FHIT: variants seen among roughly 807,000 people sequenced by gnomAD.
FHIT encodes fragile histidine triad diadenosine triphosphatase, also known as bis(5'-adenosyl)-triphosphatase.
A neutral mutation model predicts 17.9 loss-of-function variants in FHIT; 19 were observed. The observed-to-expected ratio is 1.06, with a 90% CI of 0.74 to 1.56. FHIT has a LOEUF of 1.56. Among genes scored for constraint, FHIT ranks in the 40% most tolerant of loss-of-function variants. FHIT has a pLI of 0.00. For synonymous variants in FHIT, 81 were observed against 69.7 expected (o/e 1.16, Z -0.81); for missense variants, 248 against 189.2 (o/e 1.31, Z -1.82).
chr3:60,921,827 C>A (rs542801405), intron 3 of FHIT, among the ~76,000 whole-genome samples: 8 of 152,176 alleles, frequency 5.3e-5, no homozygotes, highest in Non-Finnish European at 1.2e-4. Context: ...AGGGAAGGGG[C>A]AAGACATGTT....
intron 2 of FHIT, among the ~76,000 whole-genome samples, chr3:61,164,492 A>G (rs1234895924): frequency 3.3e-5 from 5 of 152,212 alleles, no homozygotes; most frequent in Non-Finnish European, 7.3e-5. Context: ...GGGCCTCAAC[A>G]AAGATGGAAT....
At chr3:60,553,559 AG>A (rs2036642918) in intron 4 of FHIT, among the ~76,000 whole-genome samples, 1 of 140,728 alleles carries the variant, frequency 7.1e-6, no homozygotes, top group African/African-American at 2.6e-5. Flanking sequence ...AGAGAGAGAG[AG>A]GCTCCTGAAG....
At chr3:59,950,688 T>C (rs1707073357) in intron 7 of FHIT, among the ~76,000 whole-genome samples, 4 of 152,134 alleles carry the variant, frequency 2.6e-5, no homozygotes, top group African/African-American at 2.4e-5. Context: ...CTCAGGTGAG[T>C]TCACTGTAGC....
chr3:60,785,894 A>AAAACACACACACACAC (rs782044415), intron 4 of FHIT, among the ~76,000 whole-genome samples: 10 of 70,202 alleles, frequency 1.4e-4, no homozygotes, highest in African/African-American at 4.9e-4. Flanking sequence ...CAACAAACAG[A>AAAACACACACACACAC]AGACACACAC....
intron 2 of FHIT, among the ~76,000 whole-genome samples, chr3:61,151,977 C>A (rs2037407288): frequency 6.6e-6 from 1 of 152,166 alleles, no homozygotes; most frequent in Admixed American, 6.5e-5. Flanking sequence ...GTGCCCAAGC[C>A]TTTACATTGG....
intron 2 of FHIT, among the ~76,000 whole-genome samples, chr3:61,161,957 A>T (rs2037708504): frequency 6.6e-6 from 1 of 152,188 alleles, no homozygotes; most frequent in Non-Finnish European, 1.5e-5. Context: ...AAGAGAAAAA[A>T]CGGGATGATT....
At chr3:60,463,835 G>T (rs1215625591) in intron 5 of FHIT, among the ~76,000 whole-genome samples, 6 of 152,160 alleles carry the variant, frequency 3.9e-5, no homozygotes, top group African/African-American at 1.4e-4. Flanking sequence ...ACCCTGTTGT[G>T]GTAAGATTAA....
At chr3:60,414,070 C>T (rs758225781) in intron 5 of FHIT, among the ~76,000 whole-genome samples, 25 of 152,222 alleles carry the variant, frequency 1.6e-4, no homozygotes, top group African/African-American at 4.6e-4. Context: ...GAATGATAGG[C>T]GGGTGGATGA....
intron 5 of FHIT, among the ~76,000 whole-genome samples, chr3:60,223,412 C>G (rs1023826165): frequency 1.3e-5 from 2 of 152,206 alleles, no homozygotes; most frequent in Non-Finnish European, 1.5e-5. Flanking sequence ...CATACATCAT[C>G]TTTGCAACAC....
In FHIT at chr3:60,157,083, T is replaced by G. The variant is rs574951876; in HGVS notation, c.104-142931A>C. Among the ~76,000 whole-genome samples, 208 of 152,290 alleles carry G rather than the reference T, an allele frequency of 1.4e-3. 2 individuals carry two copies. Among genetic ancestry groups the G allele is most frequent in the African/African-American group, 5.0e-3 (206 of 41,562 alleles). On this transcript the variant is annotated intron_variant, in intron 5 of 9. Transcript: ENST00000492590. ...AAATCAATACTCATTTATAATCTGA[T>G]TTATAAATATTTTTTATTTATAAAC...
chr3:60,514,896 C>A (rs534449035), intron 5 of FHIT, among the ~76,000 whole-genome samples: 1 of 152,102 alleles, frequency 6.6e-6, no homozygotes, highest in East Asian at 1.9e-4. Flanking sequence ...GCCACACTGA[C>A]AACAGCCTTT....
chr3:60,542,952 A>G (rs1290526119), intron 4 of FHIT, among the ~76,000 whole-genome samples: 1 of 152,122 alleles, frequency 6.6e-6, no homozygotes, highest in Non-Finnish European at 1.5e-5. Flanking sequence ...AAACGGCTTC[A>G]TTTTTCTTTT....
At chr3:61,165,164 G>A (rs574411314) in intron 2 of FHIT, among the ~76,000 whole-genome samples, 1 of 152,280 alleles carries the variant, frequency 6.6e-6, no homozygotes, top group East Asian at 1.9e-4. Flanking sequence ...TCAGTAATGT[G>A]ATTGCTAGGT....
chr3:60,232,898 A>C (rs1704572686), intron 5 of FHIT, among the ~76,000 whole-genome samples: 1 of 152,142 alleles, frequency 6.6e-6, no homozygotes. Flanking sequence ...TGATGACACT[A>C]AGGAAATACT....
intron 4 of FHIT, among the ~76,000 whole-genome samples, chr3:60,774,964 A>G (rs1368680029): frequency 6.6e-6 from 1 of 152,218 alleles, no homozygotes; most frequent in Non-Finnish European, 1.5e-5. Flanking sequence ...ACAGGTAACT[A>G]AAACTTTGAA....
At chr3:61,180,082 G>C (rs541419172) in intron 2 of FHIT, among the ~76,000 whole-genome samples, 1 of 152,284 alleles carries the variant, frequency 6.6e-6, no homozygotes, top group African/African-American at 2.4e-5. Flanking sequence ...TGAGAAGTTT[G>C]ACTTTACAAA....
intron 5 of FHIT, among the ~76,000 whole-genome samples, chr3:60,042,857 C>A (rs768545398): frequency 6.6e-6 from 1 of 152,032 alleles, no homozygotes; most frequent in Non-Finnish European, 1.5e-5. Flanking sequence ...ATGTCTAATG[C>A]CCCAAAGTGG....
chr3:60,164,560 G>A (rs1210683931), intron 5 of FHIT, among the ~76,000 whole-genome samples: 1 of 151,872 alleles, frequency 6.6e-6, no homozygotes. Context: ...AATCTCTAAC[G>A]CAGTCAGGGG....
intron 5 of FHIT, among the ~76,000 whole-genome samples, chr3:60,085,176 A>G (rs545848881): frequency 3.3e-5 from 5 of 152,302 alleles, no homozygotes; most frequent in African/African-American, 7.2e-5. Flanking sequence ...TTTACAATGT[A>G]TTAACTCAAG....
Sources: gnomAD v4.1 joint callset for allele counts (sites outside exome capture counted in the v4.1 genomes callset) on GRCh38, gnomAD v4.1.1 for gene constraint, MANE v1.5 for transcripts, NCBI Gene and HGNC (gene_info 2026-07-23, HGNC 2026-07-21) for gene names.